The following EPHB1 variants were observed in gnomAD, a reference collection of about 807,000 sequenced individuals.
The protein encoded by EPHB1 is ephrin type-B receptor 1.
Under a neutral mutation model 94.4 loss-of-function variants are expected in EPHB1, and 30 were observed. That is an observed-to-expected ratio of 0.32 (90% CI 0.24 to 0.43). The LOEUF (loss-of-function observed/expected upper bound fraction) is 0.43, where lower values mean the gene tolerates loss of function less well. EPHB1 is among the 20% of genes least tolerant of loss of function. The pLI, the probability that EPHB1 is intolerant of heterozygous loss-of-function variation, is 1.00. For missense variants in EPHB1, 1,055 were observed against 1,308.3 expected, an observed-to-expected ratio of 0.81 and a Z score of 2.99; for synonymous variants, 522 against 489.1, an observed-to-expected ratio of 1.07 and a Z score of -0.89.
At chr3:134,812,851 A>G (rs1201430186) in intron 1 of EPHB1, among the ~76,000 whole-genome samples, 1 of 152,126 alleles carries the variant, frequency 6.6e-6, no homozygotes, top group Non-Finnish European at 1.5e-5. Flanking sequence ...CATTTCCCTG[A>G]TGTGTCTTTC....
intron 4 of EPHB1, among the ~76,000 whole-genome samples, chr3:135,121,456 A>T (rs1161616202): frequency 1.3e-5 from 2 of 152,182 alleles, no homozygotes; most frequent in Non-Finnish European, 2.9e-5. Flanking sequence ...GTCCTGTAAG[A>T]CCTATTCCTC....
intron 5 of EPHB1, among the ~76,000 whole-genome samples, chr3:135,142,035 C>T (rs1446444467): frequency 1.3e-5 from 2 of 152,216 alleles, no homozygotes; most frequent in Non-Finnish European, 2.9e-5. Flanking sequence ...CAACAGAAGA[C>T]AGGTTCGATT....
intron 10 of EPHB1, among the ~76,000 whole-genome samples, chr3:135,181,765 G>A (rs1341040689): frequency 1.3e-5 from 2 of 151,650 alleles, no homozygotes; most frequent in Non-Finnish European, 2.9e-5. Context: ...GAGTTCACCA[G>A]CTGCTGGATG....
intron 12 of EPHB1, among the ~76,000 whole-genome samples, chr3:135,233,263 G>T (rs1943574650): frequency 6.6e-6 from 1 of 152,192 alleles, no homozygotes. Context: ...GGGGGTACAG[G>T]CATTGGGTAA....
At chr3:135,208,289 ACG>A (rs1942951051) in intron 12 of EPHB1, among the ~76,000 whole-genome samples, 1 of 91,556 alleles carries the variant, frequency 1.1e-5, no homozygotes. Context: ...ACCTTTCATG[ACG>A]TGTGTGTGTG....
chr3:135,200,843 G>A (rs1034487994), intron 11 of EPHB1, among the ~76,000 whole-genome samples: 14 of 152,172 alleles, frequency 9.2e-5, no homozygotes, highest in African/African-American at 1.4e-4. Flanking sequence ...ACATTTAAGC[G>A]GAGAACTGAA....
chr3:135,233,062 G>A (rs189495256), intron 12 of EPHB1, among the ~76,000 whole-genome samples: 40 of 152,250 alleles, frequency 2.6e-4, no homozygotes, highest in Non-Finnish European at 5.1e-4. Flanking sequence ...TTCCACTTCT[G>A]ACTCCTCCCA....
chr3:134,954,105 C>T (rs569222569), intron 3 of EPHB1, among the ~76,000 whole-genome samples: 1 of 152,310 alleles, frequency 6.6e-6, no homozygotes, highest in Admixed American at 6.5e-5. Context: ...TATTTCTGAG[C>T]GTGGAGAGTG....
intron 3 of EPHB1, among the ~76,000 whole-genome samples, chr3:135,042,394 A>G (rs1297656310): frequency 6.6e-6 from 1 of 152,248 alleles, no homozygotes; most frequent in Non-Finnish European, 1.5e-5. Context: ...CATGCAAACC[A>G]TAGCAGTCTC....
chr3:134,923,229 C>A (rs1435291277), intron 1 of EPHB1, among the ~76,000 whole-genome samples: 1 of 152,208 alleles, frequency 6.6e-6, no homozygotes, highest in Admixed American at 6.5e-5. Flanking sequence ...TAGGAAAATG[C>A]AGCTTTCTTT....
intron 2 of EPHB1, among the ~76,000 whole-genome samples, chr3:134,932,455 G>T (rs896958089): frequency 6.6e-6 from 1 of 152,144 alleles, no homozygotes; most frequent in Non-Finnish European, 1.5e-5. Context: ...AATCAATTAC[G>T]ATTTATCTGG....
chr3:135,244,611 CT>C (rs1408625319), intron 13 of EPHB1, among the ~76,000 whole-genome samples: 7 of 152,200 alleles, frequency 4.6e-5, no homozygotes, highest in African/African-American at 1.7e-4. Flanking sequence ...AATGAAGGTG[CT>C]TTTCCACTCC....
At position 134,925,342 on chromosome 3, in the gene EPHB1, A is replaced by C. The variant is rs149350319; in HGVS notation, c.59-474A>C. ...AGAGGAGAATGTGTGGAGAGGAAGG[A>C]GGGCAGACAGATGAGGCCAGAGAAG... On this transcript the variant is annotated intron_variant, in intron 1 of 15. Coordinates refer to ENST00000398015, the MANE Select transcript of EPHB1 (RefSeq NM_004441.5). Among the ~76,000 whole-genome samples the C allele has an allele frequency of 1.7e-4, 26 of 152,348 alleles. No individual in the cohort carries two copies. In the East Asian group the frequency reaches 5.0e-3, roughly 29 times the overall value.
At chr3:135,058,092 G>A (rs1404863115) in intron 3 of EPHB1, among the ~76,000 whole-genome samples, 3 of 152,218 alleles carry the variant, frequency 2.0e-5, no homozygotes, top group Non-Finnish European at 4.4e-5. Flanking sequence ...CATGAGTCAG[G>A]TGGACTGCGG....
At chr3:135,184,396 AG>A (rs1942274403) in intron 10 of EPHB1, among the ~76,000 whole-genome samples, 1 of 152,224 alleles carries the variant, frequency 6.6e-6, no homozygotes, top group Admixed American at 6.5e-5. Flanking sequence ...ATTGTGAGCC[AG>A]GTGTGATGCC....
chr3:135,198,920 A>T (rs1559871905), intron 11 of EPHB1, among the ~76,000 whole-genome samples: 1 of 152,210 alleles, frequency 6.6e-6, no homozygotes, highest in Non-Finnish European at 1.5e-5. Context: ...CCTGGATCCA[A>T]ATCAGGTCTG....
At chr3:134,946,894 C>T (rs939414476) in intron 2 of EPHB1, among the ~76,000 whole-genome samples, 8 of 152,134 alleles carry the variant, frequency 5.3e-5, no homozygotes, top group African/African-American at 1.7e-4. Flanking sequence ...CCAGATAAAC[C>T]TCTTTTCTTT....
intron 3 of EPHB1, among the ~76,000 whole-genome samples, chr3:135,013,097 C>A (rs921166536): frequency 6.6e-6 from 1 of 152,132 alleles, no homozygotes; most frequent in Admixed American, 6.5e-5. Flanking sequence ...CCCACCTTTA[C>A]ACTACTTACG....
chr3:134,834,246 A>G (rs1191449737), intron 1 of EPHB1, among the ~76,000 whole-genome samples: 3 of 152,186 alleles, frequency 2.0e-5, no homozygotes, highest in African/African-American at 7.2e-5. Flanking sequence ...GGTAAACAGT[A>G]AGTGATAAAT....
Sources: allele counts gnomAD v4.1 joint callset (sites outside exome capture counted in the v4.1 genomes callset), GRCh38; gene constraint gnomAD v4.1.1; transcripts MANE v1.5; gene names NCBI Gene and HGNC (gene_info 2026-07-23, HGNC 2026-07-21).